PCDHGB5: variants seen among roughly 807,000 people sequenced by gnomAD.
PCDHGB5 encodes the protein protocadherin gamma-B5.
A neutral mutation model predicts 62.9 loss-of-function variants in PCDHGB5; 48 were observed. The ratio of observed to expected loss-of-function variants is 0.76; its 90% CI spans 0.61 to 0.97. The LOEUF is 0.97. Among genes scored for constraint, PCDHGB5 ranks in the 50% least tolerant of loss-of-function variants. The pLI is 0.00. For missense variants in PCDHGB5, 1,118 were observed against 1,198.6 expected, an observed-to-expected ratio of 0.93 and a Z score of 0.99; for synonymous variants, 474 against 511.2, an observed-to-expected ratio of 0.93 and a Z score of 0.98.
In PCDHGB5 at chr5:141,493,811, A is replaced by T. The variant is rs956872917; in HGVS notation, c.2398-996A>T. Reference sequence around the variant, plus strand: ...CTCCCTGGAGTAATCTGAGATACTCACACTCTCTGCTTCTGGGAGCAAGTA... The same window carrying T: ...CTCCCTGGAGTAATCTGAGATACTCTCACTCTCTGCTTCTGGGAGCAAGTA... On this transcript the variant is annotated intron_variant, in intron 1 of 3. Transcript: ENST00000617380. The surrounding 1 kb of genome is among the most constrained non-coding windows in gnomAD (Gnocchi z 4.3). Among the ~76,000 whole-genome samples the T allele has an allele frequency of 1.3e-5, 2 of 152,154 alleles. No homozygotes were observed. The highest frequency in any genetic ancestry group is 2.9e-5 in the Non-Finnish European group (2 of 68,036).
chr5:141,436,240 G>A (rs192988618), intron 1 of PCDHGB5, among the ~76,000 whole-genome samples: 2 of 152,200 alleles, frequency 1.3e-5, no homozygotes, highest in East Asian at 3.9e-4. Flanking sequence ...AGCTAACATG[G>A]TCTAATTATT....
chr5:141,419,754 T>C, intron 1 of PCDHGB5: 1 of 1,613,924 alleles, frequency 6.2e-7, no homozygotes. Flanking sequence ...GTGCGTGCTT[T>C]GGGTGACAAG....
intron 1 of PCDHGB5, chr5:141,430,850 A>T (rs1204872595): frequency 6.3e-7 from 1 of 1,582,670 alleles, no homozygotes; most frequent in South Asian, 1.2e-5. Context: ...ATGCACCCAG[A>T]TACGCTATTC....
chr5:141,410,435 G>C (rs772158163), intron 1 of PCDHGB5: 5 of 1,614,054 alleles, frequency 3.1e-6, no homozygotes, highest in Non-Finnish European at 4.2e-6. Flanking sequence ...CAACTACAGT[G>C]AGGGGACTTT....
At chr5:141,419,184 T>A in intron 1 of PCDHGB5, 1 of 1,613,938 alleles carries the variant, frequency 6.2e-7, no homozygotes, top group Non-Finnish European at 8.5e-7. Context: ...ACCCTGCACA[T>A]TACTGACGTC....
chr5:141,475,577 T>C (rs2099365697), intron 1 of PCDHGB5, among the ~76,000 whole-genome samples: 1 of 152,228 alleles, frequency 6.6e-6, no homozygotes, highest in Non-Finnish European at 1.5e-5. Context: ...ACAAGCCAGA[T>C]TTGTTGGTGT....
Position 141,399,321 on chromosome 5 carries a change from T to C in PCDHGB5, c.1194T>C (p.Tyr398=), listed in dbSNP as rs1356696829. ...FKIISSSKNS[Y]KLVTDGTLDR... ...TTATCTCTTCATCCAAAAATTCGTA[T>C]AAGTTGGTAACAGATGGAACCCTAG... Residue 398 remains tyrosine, a synonymous_variant, in exon 1 of 4, where the codon TAT becomes TAC. Transcript: ENST00000617380. 1.2e-6 allele frequency: 2 copies of C among 1,613,978 alleles called. No individual in the cohort carries two copies. Among genetic ancestry groups the C allele is most frequent in the Admixed American group, 1.7e-5 (1 of 60,026 alleles).
intron 1 of PCDHGB5, chr5:141,440,036 A>T (rs540100930): frequency 6.5e-6 from 1 of 153,058 alleles, no homozygotes; most frequent in Non-Finnish European, 1.5e-5. Context: ...TGTCGAGGAC[A>T]TGCCCACTTG....
At chr5:141,474,807 A>C (rs945920397) in intron 1 of PCDHGB5, among the ~76,000 whole-genome samples, 8 of 152,364 alleles carry the variant, frequency 5.3e-5, no homozygotes, top group Admixed American at 1.3e-4. Context: ...AGTGGTTTGC[A>C]TCATTAATTG....
intron 1 of PCDHGB5, among the ~76,000 whole-genome samples, chr5:141,446,453 A>T (rs2098502702): frequency 6.6e-6 from 1 of 151,946 alleles, no homozygotes; most frequent in Non-Finnish European, 1.5e-5. Context: ...GCAGATATTC[A>T]GTGTGTGATT....
At chr5:141,450,881 G>A (rs1205242412) in intron 1 of PCDHGB5, among the ~76,000 whole-genome samples, 1 of 149,726 alleles carries the variant, frequency 6.7e-6, no homozygotes, top group African/African-American at 2.5e-5. Flanking sequence ...CTGGTGTGCA[G>A]TGGTGCGATA....
intron 1 of PCDHGB5, among the ~76,000 whole-genome samples, chr5:141,459,563 C>CAAAACAGAATT (rs1554142058): frequency 5.3e-5 from 8 of 152,044 alleles, no homozygotes; most frequent in Non-Finnish European, 2.9e-5. Context: ...ATAAATACCC[C>CAAAACAGAATT]AAAACAGAAT....
chr5:141,487,340 G>A lies in PCDHGB5; in HGVS notation c.2398-7467G>A, dbSNP rs2099643329. 6.2e-7 allele frequency: 1 copy of A among 1,614,182 alleles called. No individual in the cohort carries two copies. Among genetic ancestry groups the A allele is most frequent in the Admixed American group, 1.7e-5 (1 of 60,024 alleles). The stretch of plus-strand genomic sequence containing the variant: ...GTGTCTTCGTGGGGCAGCCTGTGGA[G>A]TCACATGCTTTCCTGCTGGCACCTG... On this transcript the variant is annotated intron_variant, in intron 1 of 3. Coordinates refer to ENST00000617380, the MANE Select transcript of PCDHGB5 (RefSeq NM_018925.3). This position sits in a 1 kb window ranked among gnomAD's most constrained non-coding sequence, Gnocchi z 5.0.
Position 141,409,860 on chromosome 5 carries a change from G to A in PCDHGB5, c.2397+9336G>A, listed in dbSNP as rs764823576. On this transcript the variant is annotated intron_variant, in intron 1 of 3. Transcript: ENST00000617380. ...AACGTGAGCCTGCGCGTGTTGGTGG[G>A]AGACCGCAATGACAACGCACCGCGG... is the stretch of plus-strand genomic sequence containing the variant. The A allele has an allele frequency of 1.2e-5, 20 of 1,612,364 alleles. No homozygotes were observed. In the South Asian group the frequency reaches 1.8e-4, roughly 14 times the overall value.
In PCDHGB5 at chr5:141,491,534, G is replaced by A. The variant is rs376996144; in HGVS notation, c.2398-3273G>A. On this transcript the variant is annotated intron_variant, in intron 1 of 3. Coordinates refer to ENST00000617380, the MANE Select transcript of PCDHGB5 (RefSeq NM_018925.3). This position sits in a 1 kb window ranked among gnomAD's most constrained non-coding sequence, Gnocchi z 6.9. The stretch of plus-strand genomic sequence containing the variant: ...CTCAAGTACATGGAGGTGACGCTGC[G>A]GCCCACAGACTCGCAGAGCCACTGC... The A allele has an allele frequency of 6.2e-7, 1 of 1,614,030 alleles. No homozygotes were observed. The highest frequency in any genetic ancestry group is 8.5e-7 in the Non-Finnish European group (1 of 1,180,028).
rs533857281 is a variant in PCDHGB5 at position 141,429,742 on chromosome 5, T to C, written c.2397+29218T>C. Among the ~76,000 whole-genome samples the C allele has an allele frequency of 3.8e-4, 58 of 152,336 alleles. 1 individual carries two copies. Among genetic ancestry groups the C allele is most frequent in the Admixed American group, 2.0e-4 (3 of 15,302 alleles). Reference sequence around the variant, plus strand: ...ATGAAAGTACGTAGCCAGTTATTTCTTAGGGAGAATTTTTTCCCTATATTT... The same window carrying C: ...ATGAAAGTACGTAGCCAGTTATTTCCTAGGGAGAATTTTTTCCCTATATTT... On this transcript the variant is annotated intron_variant, in intron 1 of 3. Transcript: ENST00000617380.
Position 141,431,344 on chromosome 5 carries a change from G to T in PCDHGB5, c.2397+30820G>T. On this transcript the variant is annotated intron_variant, in intron 1 of 3. Coordinates refer to ENST00000617380, the MANE Select transcript of PCDHGB5 (RefSeq NM_018925.3). This position sits in a 1 kb window ranked among gnomAD's most constrained non-coding sequence, Gnocchi z 4.8. ...ACGGTAGTAAGTACCCCGAATTGGT[G>T]CTGAAACGCGCCCTGGACCGCGAAG... 1 of 1,614,078 alleles carries T rather than the reference G, an allele frequency of 6.2e-7. No individual in the cohort carries two copies. The highest frequency in any genetic ancestry group is 1.3e-5 in the African/African-American group (1 of 75,068).
chr5:141,454,366 GT>G (rs2098787984), intron 1 of PCDHGB5, among the ~76,000 whole-genome samples: 1 of 152,166 alleles, frequency 6.6e-6, no homozygotes, highest in Admixed American at 6.5e-5. Flanking sequence ...TTAGAAAGGA[GT>G]ATGGCAACTT....
chr5:141,509,575 T>C (rs186302231), intron 3 of PCDHGB5, among the ~76,000 whole-genome samples: 153 of 152,320 alleles, frequency 1.0e-3, no homozygotes, highest in African/African-American at 3.7e-3. Flanking sequence ...TCACAGTGCG[T>C]ACAAATCAGC....
Sources: gnomAD v4.1 joint callset for allele counts (sites outside exome capture counted in the v4.1 genomes callset) on GRCh38, gnomAD v4.1.1 for gene constraint, Gnocchi (gnomAD v3.1) non-coding constraint, MANE v1.5 for transcripts, NCBI Gene and HGNC (gene_info 2026-07-23, HGNC 2026-07-21) for gene names.